Variants in TEP1 observed in about 807,000 individuals in gnomAD.
TEP1 encodes the protein telomerase associated protein 1, also known as telomerase protein component 1.
In TEP1, 241 loss-of-function variants were observed where a neutral mutation model predicts 306.3. That is an observed-to-expected ratio of 0.79 (90% CI 0.71 to 0.88). The LOEUF (loss-of-function observed/expected upper bound fraction) is 0.88, where lower values mean the gene tolerates loss of function less well. TEP1 is among the 40% of genes least tolerant of loss of function. TEP1 has a pLI of 0.00. For synonymous variants in TEP1, 1,289 were observed against 1,305.5 expected, an observed-to-expected ratio of 0.99 and a Z score of 0.27; for missense variants, 3,051 against 3,276.1, an observed-to-expected ratio of 0.93 and a Z score of 1.68.
Position 20,387,615 on chromosome 14 carries a change from A to G in TEP1, c.2684+290T>C, listed in dbSNP as rs140522200. Among the ~76,000 whole-genome samples, 44 of 152,182 alleles carry G rather than the reference A, an allele frequency of 2.9e-4. 1 individual carries two copies. Among genetic ancestry groups the G allele is most frequent in the African/African-American group, 5.8e-4 (24 of 41,522 alleles). ...ACTACTATTTGGCAAAGCCACAATG[A>G]AAAAGCCAGAACCTGTGCTCCTAAG... On this transcript the variant is annotated intron_variant, in intron 18 of 54. Transcript: ENST00000262715.
chr14:20,398,072 T>C (rs778636695), intron 9 of TEP1, among the ~76,000 whole-genome samples: 3 of 151,618 alleles, frequency 2.0e-5, no homozygotes, highest in Non-Finnish European at 4.4e-5. Flanking sequence ...TTAATAATAA[T>C]ATTTTTAAGG....
At chr14:20,389,128 A>T in intron 17 of TEP1, 110 bp downstream of exon 17, 2 of 1,010,942 alleles carry the variant, frequency 2.0e-6, no homozygotes, top group Non-Finnish European at 3.0e-6. Context: ...AGCCTGAGCG[A>T]CAGAGTGAGA....
At chr14:20,404,337 A>C (rs1308706313) in intron 5 of TEP1, among the ~76,000 whole-genome samples, 2 of 148,028 alleles carry the variant, frequency 1.4e-5, no homozygotes, top group Admixed American at 1.4e-4. Context: ...CCTGGGCGAC[A>C]AGAGTGAAAC....
chr14:20,378,007 G>T lies in TEP1; in HGVS notation c.5721+17C>A. ...TACTCCTCCTCACAACCCACCACCA[G>T]CCCTCTGCAAGCTGACCTTGCCATC... is the stretch of plus-strand genomic sequence containing the variant. On this transcript the variant is annotated intron_variant, in intron 39 of 54. Transcript: ENST00000262715. 6.2e-7 allele frequency: 1 copy of T among 1,610,608 alleles called. No individual in the cohort carries two copies.
Position 20,377,341 on chromosome 14 carries a change from G to A in TEP1, c.6027C>T (p.Ser2009=). 1 of 1,614,184 alleles carries A rather than the reference G, an allele frequency of 6.2e-7. No homozygotes were observed. Among genetic ancestry groups the A allele is most frequent in the Non-Finnish European group, 8.5e-7 (1 of 1,180,038 alleles). ...GTCCTAGCACAGGCTTCTGGAATCT[G>A]GACAGGAGCCAGAGGGACTGAAGGG... ...ECSLQSLWLL[S]RFQKPVLGLA... is the part of the protein sequence containing the mutation. The change falls in exon 41 of 55, where the codon TCC becomes TCT. Residue 2009 remains serine, a synonymous_variant. Coordinates refer to ENST00000262715, the MANE Select transcript of TEP1 (RefSeq NM_007110.5).
intron 9 of TEP1, among the ~76,000 whole-genome samples, chr14:20,397,072 G>A (rs1878268202): frequency 6.6e-6 from 1 of 152,122 alleles, no homozygotes. Flanking sequence ...CCAAAGTTTG[G>A]AACAAAATTT....
chr14:20,391,600 C>G lies in TEP1; in HGVS notation c.2096G>C (p.Gly699Ala), dbSNP rs138173061. ...GGAGGATGCTTTTTGTTTTCTTACCCCTTGTGGGTTGCTCTTTGGACAGAG... is the reference window on the plus strand; with the variant it reads ...GGAGGATGCTTTTTGTTTTCTTACCGCTTGTGGGTTGCTCTTTGGACAGAG... ...DRLCPKSNPQ[G>A]PPLNYALLLI... The change falls in exon 13 of 55, where the codon GGG (glycine) becomes GCG (alanine). Residue 699 changes from glycine to alanine, a missense_variant and splice_region_variant. This residue lies in a region of TEP1 where 1,507 missense variants were observed against 1,550.5 expected (regional missense o/e 0.97). Coordinates refer to ENST00000262715, the MANE Select transcript of TEP1 (RefSeq NM_007110.5). The G allele has an allele frequency of 3.1e-6, 5 of 1,611,576 alleles. No individual in the cohort carries two copies. The highest frequency in any genetic ancestry group is 4.2e-6 in the Non-Finnish European group (5 of 1,178,506).
At chr14:20,411,212 G>A (rs564091653) in intron 1 of TEP1, among the ~76,000 whole-genome samples, 17 of 152,188 alleles carry the variant, frequency 1.1e-4, no homozygotes, top group East Asian at 9.7e-4. Flanking sequence ...CACAAAACCC[G>A]ACTTCCGGTC....
intron 34 of TEP1, 25 bp from the exon 35 acceptor site, chr14:20,380,078 G>C: frequency 6.2e-7 from 1 of 1,604,874 alleles, no homozygotes; most frequent in Non-Finnish European, 8.5e-7. Flanking sequence ...GGAAGAAAGG[G>C]AGGAAATAAA....
intron 1 of TEP1, among the ~76,000 whole-genome samples, chr14:20,411,317 G>A (rs547031310): frequency 6.6e-6 from 1 of 152,172 alleles, no homozygotes; most frequent in South Asian, 2.1e-4. Context: ...TAATTGCCAA[G>A]GTATCTCTTG....
intron 15 of TEP1, 24 bp downstream of exon 15, chr14:20,390,657 G>C (rs1159148383): frequency 6.2e-7 from 1 of 1,609,662 alleles, no homozygotes; most frequent in Non-Finnish European, 8.5e-7. Flanking sequence ...GGAGGGAGAG[G>C]GTTTCTCAGG....
At chr14:20,403,312 T>C in intron 7 of TEP1, 65 bp downstream of exon 7, 1 of 1,569,942 alleles carries the variant, frequency 6.4e-7, no homozygotes, top group Non-Finnish European at 8.6e-7. Flanking sequence ...TAGAATTTTG[T>C]TCGTAAATAT....
At chr14:20,405,150 T>A (rs9888571) in intron 4 of TEP1, among the ~76,000 whole-genome samples, 10,707 of 152,250 alleles carry the variant, frequency 0.07, 980 homozygotes, top group African/African-American at 0.21. Flanking sequence ...GCTTCAGAAA[T>A]GTTCACTATC....
Position 20,410,572 on chromosome 14 carries a change from G to A in TEP1, c.-24-2109C>T, listed in dbSNP as rs867916118. On this transcript the variant is annotated intron_variant, in intron 1 of 54. Coordinates refer to ENST00000262715, the MANE Select transcript of TEP1 (RefSeq NM_007110.5). ...CGAGTAGCTGGAATTACAGGCGCCC[G>A]CCACTATGCCCAGCTGATTTTTTTT... Among the ~76,000 whole-genome samples the A allele has an allele frequency of 4.4e-4, 67 of 151,186 alleles. 1 individual carries two copies. In the Middle Eastern group the frequency reaches 0.027, roughly 61 times the overall value.
chr14:20,375,328 G>A (rs1219473144), intron 43 of TEP1, among the ~76,000 whole-genome samples: 1 of 151,976 alleles, frequency 6.6e-6, no homozygotes, highest in Non-Finnish European at 1.5e-5. Context: ...GGCTAATTTT[G>A]TATCTTTAGT....
Position 20,390,675 on chromosome 14 carries a change from A to T in TEP1, c.2334+6T>A, listed in dbSNP as rs1566466187. The stretch of plus-strand genomic sequence containing the variant: ...GGGAGAGGGTTTCTCAGGGATTAAT[A>T]CTCACAGGAACCCTTTGGCCAGCCA... On this transcript the variant is annotated splice_donor_region_variant and intron_variant, in intron 15 of 54. Coordinates refer to ENST00000262715, the MANE Select transcript of TEP1 (RefSeq NM_007110.5). 4 of 1,613,644 alleles carry T rather than the reference A, an allele frequency of 2.5e-6. No homozygotes were observed. Among genetic ancestry groups the T allele is most frequent in the Middle Eastern group, 3.3e-4 (2 of 6,062 alleles).
Position 20,379,885 on chromosome 14 carries a change from A to G in TEP1, c.5127+45T>C, listed in dbSNP as rs376771788. The G allele has an allele frequency of 2.5e-6, 4 of 1,581,362 alleles. No individual in the cohort carries two copies. The East Asian group carries it at 6.7e-5, about 27-fold the overall frequency. On this transcript the variant is annotated intron_variant, in intron 35 of 54. Coordinates refer to ENST00000262715, the MANE Select transcript of TEP1 (RefSeq NM_007110.5). ...CATCTAGGGCTTCAGGGCAGTCTGCATGGATTTTCAGAGGGTAAATTCTGC... is the reference window on the plus strand; with the variant it reads ...CATCTAGGGCTTCAGGGCAGTCTGCGTGGATTTTCAGAGGGTAAATTCTGC...
intron 1 of TEP1, among the ~76,000 whole-genome samples, chr14:20,410,488 T>G (rs1357965011): frequency 2.0e-5 from 3 of 151,996 alleles, no homozygotes; most frequent in Non-Finnish European, 4.4e-5. Flanking sequence ...AATGGCACGA[T>G]CTTGGCTCAC....
Position 20,372,997 on chromosome 14 carries a change from G to A in TEP1, c.6951+14C>T. The A allele has an allele frequency of 1.2e-6, 2 of 1,614,062 alleles. No individual in the cohort carries two copies. The highest frequency in any genetic ancestry group is 1.7e-6 in the Non-Finnish European group (2 of 1,179,984). Reference sequence around the variant, plus strand: ...AATTCACACAGACAAAGAACCAAGGGTACACCGACTCACCTGTGCTGTGGC... The same window carrying A: ...AATTCACACAGACAAAGAACCAAGGATACACCGACTCACCTGTGCTGTGGC... On this transcript the variant is annotated intron_variant, in intron 48 of 54. Transcript: ENST00000262715.
Sources: allele counts gnomAD v4.1 joint callset (sites outside exome capture counted in the v4.1 genomes callset), GRCh38; gene constraint gnomAD v4.1.1; regional missense constraint gnomAD v4.1.1; transcripts MANE v1.5; gene names NCBI Gene and HGNC (gene_info 2026-07-23, HGNC 2026-07-21).